CEP131: variants seen among roughly 807,000 people sequenced by gnomAD.
CEP131 encodes centrosomal protein 131, also known as centrosomal protein of 131 kDa.
A neutral mutation model predicts 136.8 loss-of-function variants in CEP131; 99 were observed. The observed-to-expected ratio is 0.72, with a 90% CI of 0.62 to 0.86. The LOEUF is 0.86. Ranked by LOEUF, CEP131 falls within the 40% of genes least tolerant of loss-of-function variation. The pLI, the probability that CEP131 is intolerant of heterozygous loss-of-function variation, is 0.00. For missense variants in CEP131, 1,459 were observed against 1,463.0 expected (o/e 1.00, Z 0.04); for synonymous variants, 646 against 612.7 (o/e 1.05, Z -0.80).
rs1334599102 is a variant in CEP131, at chr17:81,195,969, G to A, written c.1900-18C>T. 5.6e-6 allele frequency: 9 copies of A among 1,597,168 alleles called. No individual in the cohort carries two copies. Among genetic ancestry groups the A allele is most frequent in the South Asian group, 1.1e-5 (1 of 90,748 alleles). ...TCAATCAGCTGTGTTGGGGACCGGA[G>A]GTGAGGTGCTACACCAAGGCCCCAG... On this transcript the variant is annotated intron_variant, in intron 15 of 25. Transcript: ENST00000450824.
chr17:81,213,110 G>A (rs2062170385), intron 2 of CEP131, among the ~76,000 whole-genome samples: 1 of 152,210 alleles, frequency 6.6e-6, no homozygotes, highest in Admixed American at 6.5e-5. Flanking sequence ...AAGACAAAGT[G>A]ATGGGCAATG....
In CEP131 at chr17:81,189,653, C is replaced by T. The variant is rs1304731814; in HGVS notation, c.*116G>A. 4.7e-6 allele frequency: 5 copies of T among 1,070,034 alleles called. No individual in the cohort carries two copies. The highest frequency in any genetic ancestry group is 6.7e-6 in the Non-Finnish European group (5 of 745,022). The allele number at this position is 1,070,034 out of a possible 1,614,324, so 66.3% of individuals were successfully genotyped here. ...GCAGCCACAGGTGCTTAGCCGTGGG[C>T]ATCTCAACCACCAGCCTCTGTGGGG... On this transcript the variant is annotated 3_prime_UTR_variant, in exon 26 of 26. Transcript: ENST00000450824.
chr17:81,193,874 C>A, intron 18 of CEP131, 52 bp downstream of exon 18: 1 of 1,514,756 alleles, frequency 6.6e-7, no homozygotes, highest in Non-Finnish European at 8.8e-7. Flanking sequence ...TCGAGGATTC[C>A]GACTCCCCGC....
At chr17:81,205,199 C>T (rs994211041) in intron 5 of CEP131, among the ~76,000 whole-genome samples, 6 of 151,258 alleles carry the variant, frequency 4.0e-5, no homozygotes, top group Admixed American at 1.3e-4. Context: ...GCGGAGGTTG[C>T]GGTGAGCCGA....
intron 18 of CEP131, 25 bp downstream of exon 18, chr17:81,193,901 C>A: frequency 6.5e-7 from 1 of 1,531,674 alleles, no homozygotes. Flanking sequence ...GGTCCTGGCC[C>A]CACCGGCCTG....
At chr17:81,192,939 C>G (rs2146500400) in intron 18 of CEP131, 96 bp from the exon 19 acceptor site, 2 of 1,498,990 alleles carry the variant, frequency 1.3e-6, no homozygotes, top group Non-Finnish European at 1.8e-6. Context: ...GCCTGACTCA[C>G]AGCTGGAGAG....
At chr17:81,197,634 C>T in intron 13 of CEP131, 78 bp downstream of exon 13, 1 of 1,504,010 alleles carries the variant, frequency 6.6e-7, no homozygotes, top group Non-Finnish European at 8.8e-7. Flanking sequence ...TGAGGGGCCT[C>T]CTCCCCCGAG....
intron 16 of CEP131, 128 bp downstream of exon 16, chr17:81,195,707 G>A: frequency 2.2e-5 from 17 of 787,968 alleles, no homozygotes; most frequent in South Asian, 6.7e-5. Context: ...CCCACCCACC[G>A]CTGTGGCCCT....
intron 18 of CEP131, 29 bp downstream of exon 18, chr17:81,193,897 G>A (rs1224529499): frequency 1.3e-6 from 2 of 1,530,352 alleles, no homozygotes; most frequent in South Asian, 2.4e-5. Context: ...TGAGGGTCCT[G>A]GCCCCACCGG....
rs149184749 is a variant in CEP131, at chr17:81,195,913, C to T, written c.1938G>A (p.Glu646=). ...CCTGCTTCAGCTCGGCCACCACAGC[C>T]TCGCACTTTTCACTCAGGACCTTCT... ...EDKKVLSEKC[E]AVVAELKQED... The change falls in exon 16 of 26, where the codon GAG becomes GAA. Residue 646 remains glutamate, a synonymous_variant. Transcript: ENST00000450824. The T allele has an allele frequency of 9.1e-5, 146 of 1,610,228 alleles. No individual in the cohort carries two copies. The highest frequency in any genetic ancestry group is 1.1e-4 in the Non-Finnish European group (129 of 1,179,912).
At chr17:81,197,204 C>A in intron 13 of CEP131, 149 bp from the exon 14 acceptor site, 1 of 1,210,598 alleles carries the variant, frequency 8.3e-7, no homozygotes, top group Non-Finnish European at 1.1e-6. Flanking sequence ...AGGTGGCAGG[C>A]GGCCCAGCAG....
rs1451556087 is a variant in CEP131, at chr17:81,206,782, G to A, written c.477C>T (p.Cys159=). ...DSPAGPRRKE[C]TVALAPNFTA... is the part of the protein sequence containing the mutation. Reference sequence around the variant, plus strand: ...TGAAGTTGGGGGCCAGGGCCACGGTGCATTCTTTCCTCCGCGGGCCCGCTG... The same window carrying A: ...TGAAGTTGGGGGCCAGGGCCACGGTACATTCTTTCCTCCGCGGGCCCGCTG... Residue 159 remains cysteine, a synonymous_variant, in exon 5 of 26, where the codon TGC becomes TGT. Transcript: ENST00000450824. The A allele has an allele frequency of 1.2e-6, 2 of 1,614,136 alleles. No homozygotes were observed. Among genetic ancestry groups the A allele is most frequent in the African/African-American group, 2.7e-5 (2 of 75,058 alleles).
rs1335444959 is a variant in CEP131, at chr17:81,196,725, C to T, written c.1875G>A (p.Gln625=). ...CCTGGTCAATGAAGGCCAAGTGCCGCTGGATGGTGGCCTCGTAGTGCTCCC... is the reference window on the plus strand; with the variant it reads ...CCTGGTCAATGAAGGCCAAGTGCCGTTGGATGGTGGCCTCGTAGTGCTCCC... The part of the protein sequence containing the change: ...RQREHYEATI[Q]RHLAFIDQLI... Residue 625 remains glutamine, a synonymous_variant, in exon 15 of 26, where the codon CAG becomes CAA. Coordinates refer to ENST00000450824, the MANE Select transcript of CEP131 (RefSeq NM_014984.4). The T allele has an allele frequency of 6.2e-7, 1 of 1,605,696 alleles. No individual in the cohort carries two copies.
rs760963477 is a variant in CEP131 at position 81,192,346 on chromosome 17, G to A, written c.2594C>T (p.Ala865Val). 24 of 1,576,418 alleles carry A rather than the reference G, an allele frequency of 1.5e-5. No homozygotes were observed. The highest frequency in any genetic ancestry group is 1.8e-5 in the Admixed American group (1 of 54,452). ...CTTCCTGGTGCGGCCGGCCTCCCAC[G>A]CCTGCCTCTCCAGCTCCAGCTGCTG... The part of the protein sequence containing the change: ...LKQQLELERQ[A>V]WEAGRTRKEE... Residue 865 changes from alanine to valine, a missense_variant, in exon 21 of 26, where the codon GCG becomes GTG. This residue lies in a region of CEP131 where 1,026 missense variants were observed against 964.2 expected (regional missense o/e 1.06). Transcript: ENST00000450824.
rs1210381937 is a variant in CEP131, at chr17:81,190,661, C to T, written c.3085G>A (p.Glu1029Lys). The change falls in exon 24 of 26, where the codon GAG (glutamate) becomes AAG (lysine). Residue 1029 changes from glutamate (E) to lysine (K), a missense_variant. Glu to Lys is a moderately conservative substitution (Grantham distance 56). Coordinates refer to ENST00000450824, the MANE Select transcript of CEP131 (RefSeq NM_014984.4). ...CACCTCCGGTGCACCTCCTCCAGCT[C>T]CAGCTGCTGGCGGGCCTGCAGCGTG... is the stretch of plus-strand genomic sequence containing the variant. ...LATLQARQQL[E>K]LEEVHRRVKT... The T allele has an allele frequency of 6.3e-7, 1 of 1,597,604 alleles. No individual in the cohort carries two copies. Among genetic ancestry groups the T allele is most frequent in the Non-Finnish European group, 8.5e-7 (1 of 1,175,042 alleles).
At chr17:81,191,980 T>C (rs1344178803) in intron 21 of CEP131, among the ~76,000 whole-genome samples, 1 of 151,974 alleles carries the variant, frequency 6.6e-6, no homozygotes, top group Non-Finnish European at 1.5e-5. Context: ...GGGGAGCCCC[T>C]GTTGTGCGTG....
intron 19 of CEP131, 53 bp downstream of exon 19, chr17:81,192,654 AGGTCAGCGGGTGAGGGGGCGGGGGGGAGG>A: frequency 1.7e-6 from 1 of 582,710 alleles, no homozygotes; most frequent in Non-Finnish European, 2.5e-6. Flanking sequence ...GGGATGGGAG[AGGTCAGCGGGTGAGGGGGCGGGGGGGAGG>A]GGTCAGCCAG....
At position 81,203,112 on chromosome 17, in the gene CEP131, A is replaced by C. The variant is rs892680455; in HGVS notation, c.629+382T>G. Among the ~76,000 whole-genome samples, 1 of 151,906 alleles carries C rather than the reference A, an allele frequency of 6.6e-6. No individual in the cohort carries two copies. The highest frequency in any genetic ancestry group is 2.1e-4 in the South Asian group (1 of 4,820). ...GGGGCTCCTTTGCCCCGCTCGGTCC[A>C]CCCCCGCTGTGACGCCTTCTGGGCT... is the stretch of plus-strand genomic sequence containing the variant. On this transcript the variant is annotated intron_variant, in intron 6 of 25. Transcript: ENST00000450824. The surrounding 1 kb of genome is among the most constrained non-coding windows in gnomAD (Gnocchi z 4.6).
Position 81,208,962 on chromosome 17 carries a change from T to C in CEP131, c.238A>G (p.Thr80Ala). 1.9e-6 allele frequency: 3 copies of C among 1,613,978 alleles called. No individual in the cohort carries two copies. The highest frequency in any genetic ancestry group is 2.5e-6 in the Non-Finnish European group (3 of 1,179,974). The change falls in exon 3 of 26, where the codon ACG (threonine) becomes GCG (alanine). Residue 80 changes from threonine (T) to alanine (A), a missense_variant. By Grantham distance (58) the Thr-to-Ala change is moderately conservative. This residue lies in a region of CEP131 where 187 missense variants were observed against 179.9 expected (regional missense o/e 1.04). Transcript: ENST00000450824. The surrounding 1 kb of genome is among the most constrained non-coding windows in gnomAD (Gnocchi z 5.6). ...CCGCTCCGAGGCTGGCTGACCTGCG[T>C]GGTGCTGTTGGATCTTCTAAGGTTG... is the stretch of plus-strand genomic sequence containing the variant. ...INNLRRSNST[T>A]QVSQPRSGSP... is the part of the protein sequence containing the mutation.
Sources: allele counts gnomAD v4.1 joint callset (sites outside exome capture counted in the v4.1 genomes callset), GRCh38; gene constraint gnomAD v4.1.1; regional missense constraint gnomAD v4.1.1; non-coding constraint Gnocchi (gnomAD v3.1); transcripts MANE v1.5; gene names NCBI Gene and HGNC (gene_info 2026-07-23, HGNC 2026-07-21).